The following ADAMTS12 variants were observed in gnomAD, a reference collection of about 807,000 sequenced individuals.
The protein encoded by ADAMTS12 is A disintegrin and metalloproteinase with thrombospondin motifs 12.
ADAMTS12 carries 118 observed loss-of-function variants against 167.8 expected under a neutral mutation model. The ratio of observed to expected loss-of-function variants is 0.70; its 90% CI spans 0.61 to 0.82. The LOEUF (loss-of-function observed/expected upper bound fraction) is 0.82. ADAMTS12 is among the 40% of genes least tolerant of loss of function. The pLI, the probability that ADAMTS12 is intolerant of heterozygous loss-of-function variation, is 0.00. For missense variants in ADAMTS12, 1,916 were observed against 1,998.8 expected (o/e 0.96, Z 0.79); for synonymous variants, 704 against 716.9 (o/e 0.98, Z 0.29).
chr5:33,819,716 T>A (rs1337735029), intron 2 of ADAMTS12, among the ~76,000 whole-genome samples: 1 of 152,112 alleles, frequency 6.6e-6, no homozygotes, highest in Non-Finnish European at 1.5e-5. Flanking sequence ...CTCAGAAGAA[T>A]CTGAGATACC....
intron 14 of ADAMTS12, among the ~76,000 whole-genome samples, chr5:33,622,729 G>T (rs1242323010): frequency 7.9e-6 from 1 of 127,178 alleles, no homozygotes; most frequent in East Asian, 1.9e-4. Flanking sequence ...CTTTTTATAA[G>T]TAAGTAAAGC....
chr5:33,824,469 A>G (rs1174762107), intron 2 of ADAMTS12, among the ~76,000 whole-genome samples: 1 of 152,234 alleles, frequency 6.6e-6, no homozygotes, highest in Non-Finnish European at 1.5e-5. Context: ...GCTTCAATGG[A>G]GCAAGTTAGT....
intron 2 of ADAMTS12, among the ~76,000 whole-genome samples, chr5:33,870,985 G>A (rs77110833): frequency 2.0e-5 from 3 of 152,052 alleles, no homozygotes; most frequent in African/African-American, 7.2e-5. Context: ...GTTTCAGGTA[G>A]TTCTTTATAG....
chr5:33,647,867 GTTAT>G, intron 9 of ADAMTS12, among the ~76,000 whole-genome samples: 1 of 152,318 alleles, frequency 6.6e-6, no homozygotes, highest in Admixed American at 6.5e-5. Context: ...TCTAAGCACA[GTTAT>G]TTACTTTCCC....
intron 19 of ADAMTS12, among the ~76,000 whole-genome samples, chr5:33,572,606 A>G (rs1209946447): frequency 3.7e-5 from 5 of 134,620 alleles, no homozygotes; most frequent in African/African-American, 1.4e-4. Context: ...TCTCAAAATA[A>G]TAAGAGCTAT....
intron 3 of ADAMTS12, among the ~76,000 whole-genome samples, chr5:33,744,611 G>A (rs1561248123): frequency 6.6e-6 from 1 of 152,156 alleles, no homozygotes; most frequent in Admixed American, 6.5e-5. Flanking sequence ...CAAGTGAGAG[G>A]CGACAGATGC....
At chr5:33,751,316 C>G in intron 3 of ADAMTS12, 88 bp downstream of exon 3, 1 of 1,534,290 alleles carries the variant, frequency 6.5e-7, no homozygotes. Context: ...AGATAAGAGA[C>G]TTGAGTAAGA....
Position 33,736,058 on chromosome 5 carries a change from T to G in ADAMTS12, c.634+15346A>C, listed in dbSNP as rs112552679. On this transcript the variant is annotated intron_variant, in intron 3 of 23. Coordinates refer to ENST00000504830, the MANE Select transcript of ADAMTS12 (RefSeq NM_030955.4). ...GAACAACTGTATTCTTTTTTTGCTG[T>G]TTTTTTTTTTTCTTTTTTTTTGACA... Among the ~76,000 whole-genome samples the G allele has an allele frequency of 3.4e-3, 432 of 128,734 alleles. 3 individuals carry two copies. Among genetic ancestry groups the G allele is most frequent in the African/African-American group, 0.012 (321 of 27,686 alleles). The allele number at this position is 128,734 out of a possible 152,430, so 84.5% of individuals were successfully genotyped here.
chr5:33,571,039 G>A lies in ADAMTS12; in HGVS notation c.3972+5015C>T, dbSNP rs1245296697. ...GGTAAAGGGATCAATTCAACAAGAA[G>A]AGCTAACTATCCGAAATATATATGC... On this transcript the variant is annotated intron_variant, in intron 19 of 23. Coordinates refer to ENST00000504830, the MANE Select transcript of ADAMTS12 (RefSeq NM_030955.4). Among the ~76,000 whole-genome samples the A allele has an allele frequency of 2.0e-5, 3 of 152,126 alleles. No individual in the cohort carries two copies. The East Asian group carries it at 5.8e-4, about 29-fold the overall frequency.
Position 33,649,713 on chromosome 5 carries a change from C to T in ADAMTS12, c.1191-16G>A. ...GATGCCGAAGCTGGCAGGGAAGAACCAAGCACAAGAAGAGCCAGCAGGCAG... is the reference window on the plus strand; with the variant it reads ...GATGCCGAAGCTGGCAGGGAAGAACTAAGCACAAGAAGAGCCAGCAGGCAG... On this transcript the variant is annotated splice_polypyrimidine_tract_variant and intron_variant, in intron 7 of 23. Transcript: ENST00000504830. The T allele has an allele frequency of 6.2e-7, 1 of 1,612,650 alleles. No homozygotes were observed. The highest frequency in any genetic ancestry group is 8.5e-7 in the Non-Finnish European group (1 of 1,179,204).
chr5:33,679,744 A>C (rs10057193), intron 5 of ADAMTS12, among the ~76,000 whole-genome samples: 1 of 152,232 alleles, frequency 6.6e-6, no homozygotes, highest in Non-Finnish European at 1.5e-5. Context: ...AATCAGGAAA[A>C]GGGACTTGTG....
At chr5:33,541,871 C>T (rs1260415701) in intron 22 of ADAMTS12, among the ~76,000 whole-genome samples, 1 of 152,146 alleles carries the variant, frequency 6.6e-6, no homozygotes, top group Non-Finnish European at 1.5e-5. Context: ...CCGGTACCAG[C>T]CACTGCAAAA....
At chr5:33,798,531 C>T (rs1746869831) in intron 2 of ADAMTS12, among the ~76,000 whole-genome samples, 2 of 151,202 alleles carry the variant, frequency 1.3e-5, no homozygotes, top group South Asian at 4.2e-4. Flanking sequence ...ATCTCCGCCT[C>T]CCGGGTTTAA....
At chr5:33,690,563 G>A (rs568829619) in intron 3 of ADAMTS12, among the ~76,000 whole-genome samples, 2 of 152,004 alleles carry the variant, frequency 1.3e-5, no homozygotes, top group South Asian at 4.1e-4. Context: ...AGATGGAAAT[G>A]GTAGATCATT....
intron 16 of ADAMTS12, among the ~76,000 whole-genome samples, chr5:33,599,632 C>T (rs1738087205): frequency 6.6e-6 from 1 of 152,164 alleles, no homozygotes; most frequent in Non-Finnish European, 1.5e-5. Context: ...TTCTTAATTT[C>T]CCTAAACCCT....
At chr5:33,547,611 T>C (rs531673126) in intron 21 of ADAMTS12, among the ~76,000 whole-genome samples, 1 of 152,288 alleles carries the variant, frequency 6.6e-6, no homozygotes, top group Admixed American at 6.5e-5. Context: ...TTTCTATCTC[T>C]ACTACTGCTT....
At chr5:33,726,486 G>A (rs1743985753) in intron 3 of ADAMTS12, among the ~76,000 whole-genome samples, 1 of 152,224 alleles carries the variant, frequency 6.6e-6, no homozygotes, top group Non-Finnish European at 1.5e-5. Context: ...TTGCAAATGG[G>A]TCAGCCCTCA....
At chr5:33,586,307 A>C (rs116934530) in intron 18 of ADAMTS12, among the ~76,000 whole-genome samples, 1 of 152,254 alleles carries the variant, frequency 6.6e-6, no homozygotes, top group African/African-American at 2.4e-5. Flanking sequence ...AAGAGAGCAG[A>C]TAGAAGAAAG....
intron 2 of ADAMTS12, among the ~76,000 whole-genome samples, chr5:33,869,445 G>A (rs1317909321): frequency 2.0e-5 from 3 of 152,084 alleles, no homozygotes; most frequent in Non-Finnish European, 2.9e-5. Context: ...CAATGCAGAG[G>A]GGAAATGTGT....
Sources: gnomAD v4.1 joint callset for allele counts (sites outside exome capture counted in the v4.1 genomes callset) on GRCh38, gnomAD v4.1.1 for gene constraint, MANE v1.5 for transcripts, NCBI Gene and HGNC (gene_info 2026-07-23, HGNC 2026-07-21) for gene names.